RAP1GAP: variants seen among roughly 807,000 people sequenced by gnomAD.
RAP1GAP encodes RAP1 GTPase activating protein, also known as rap1 GTPase-activating protein 1.
A neutral mutation model predicts 87.2 loss-of-function variants in RAP1GAP; 35 were observed. The ratio of observed to expected loss-of-function variants is 0.40; its 90% CI spans 0.31 to 0.53. The LOEUF (loss-of-function observed/expected upper bound fraction) is 0.53, where lower values mean the gene tolerates loss of function less well. Ranked by LOEUF, RAP1GAP falls within the 20% of genes least tolerant of loss-of-function variation. The pLI is 0.48. For synonymous variants in RAP1GAP, 375 were observed against 363.9 expected (o/e 1.03, Z -0.35); for missense variants, 734 against 898.9 (o/e 0.82, Z 2.35).
chr1:21,618,957 G>A, intron 5 of RAP1GAP, 68 bp downstream of exon 5: 1 of 1,466,590 alleles, frequency 6.8e-7, no homozygotes, highest in Non-Finnish European at 9.3e-7. Flanking sequence ...TTGATGGGCA[G>A]TGGTGGCAGC....
At chr1:21,663,452 C>T (rs760906663) in intron 1 of RAP1GAP, among the ~76,000 whole-genome samples, 1 of 152,196 alleles carries the variant, frequency 6.6e-6, no homozygotes, top group Non-Finnish European at 1.5e-5. Context: ...CAGGCCTTGT[C>T]CTGGCAGCCT....
intron 1 of RAP1GAP, chr1:21,651,702 C>A (rs779022545): frequency 1.4e-6 from 2 of 1,404,318 alleles, no homozygotes; most frequent in South Asian, 1.2e-5. Context: ...CGCGAGCACA[C>A]CCCGCACGGG....
chr1:21,626,427 G>GAGCCCCA (rs765329037), intron 2 of RAP1GAP, 30 bp from the exon 3 acceptor site: 2 of 1,573,252 alleles, frequency 1.3e-6, no homozygotes, highest in Non-Finnish European at 1.7e-6. Flanking sequence ...AGGTCAGGGA[G>GAGCCCCA]AGCCCCAAGC....
chr1:21,638,850 G>C (rs888038637), intron 2 of RAP1GAP, among the ~76,000 whole-genome samples: 6 of 152,152 alleles, frequency 3.9e-5, no homozygotes, highest in Admixed American at 3.3e-4. Flanking sequence ...TTATTCCAAG[G>C]GGGAGAAGCT....
Position 21,601,713 on chromosome 1 carries a change from G to C in RAP1GAP, c.1623C>G (p.Ser541Arg). The C allele has an allele frequency of 6.2e-7, 1 of 1,612,092 alleles. No individual in the cohort carries two copies. The highest frequency in any genetic ancestry group is 8.5e-7 in the Non-Finnish European group (1 of 1,178,706). ...EPKSENSSTQ[S>R]SPEMPTTKNR... Reference sequence around the variant, plus strand: ...TCTTGGTCGTGGGCATCTCTGGGGAGCTCTGAGTGGATGAGTTCTCCGACT... The same window carrying C: ...TCTTGGTCGTGGGCATCTCTGGGGACCTCTGAGTGGATGAGTTCTCCGACT... The change falls in exon 20 of 25, where the codon AGC becomes AGG. Residue 541 changes from serine to arginine, a missense_variant. Around this residue, in one of 2 missense-constraint regions of RAP1GAP, gnomAD observed 249 missense variants for 252.7 expected, o/e 0.99. Transcript: ENST00000374765.
In RAP1GAP at chr1:21,606,159, C is replaced by A; in HGVS notation, c.1335G>T (p.Met445Ile). ...IRSRSQSMDA[M>I]GLSNKKPNTV... The stretch of plus-strand genomic sequence containing the variant: ...TGTTGGGCTTCTTGTTGCTCAGCCC[C>A]ATGGCATCCATGGACTGGCTGCGGC... The change falls in exon 18 of 25, where the codon ATG becomes ATT. Residue 445 changes from methionine to isoleucine, a missense_variant. Met to Ile is a conservative substitution (Grantham distance 10). Transcript: ENST00000374765. 6.3e-7 allele frequency: 1 copy of A among 1,584,884 alleles called. No individual in the cohort carries two copies.
intron 1 of RAP1GAP, among the ~76,000 whole-genome samples, chr1:21,663,558 A>G (rs1255545647): frequency 6.6e-6 from 1 of 152,110 alleles, no homozygotes; most frequent in East Asian, 1.9e-4. Flanking sequence ...AGAAGTTCCC[A>G]AGGTCACCCT....
chr1:21,658,962 G>A (rs1452261797), intron 1 of RAP1GAP, among the ~76,000 whole-genome samples: 1 of 138,654 alleles, frequency 7.2e-6, no homozygotes, highest in African/African-American at 2.7e-5. Flanking sequence ...TTTTTGAGAC[G>A]GAGTTTTGCC....
chr1:21,607,215 C>T (rs574007246), intron 17 of RAP1GAP, among the ~76,000 whole-genome samples: 19 of 152,272 alleles, frequency 1.2e-4, no homozygotes, highest in African/African-American at 4.6e-4. Context: ...CTGAGTGAGT[C>T]CAGACCCTGT....
At chr1:21,619,881 A>T (rs2085557916) in intron 4 of RAP1GAP, 134 bp downstream of exon 4, 6 of 932,552 alleles carry the variant, frequency 6.4e-6, no homozygotes, top group Non-Finnish European at 1.0e-5. Flanking sequence ...ACCCTGGACA[A>T]CCAATAGCCA....
At chr1:21,663,321 T>G (rs1410763896) in intron 1 of RAP1GAP, among the ~76,000 whole-genome samples, 1 of 152,188 alleles carries the variant, frequency 6.6e-6, no homozygotes, top group Non-Finnish European at 1.5e-5. Flanking sequence ...TCCCATGGCA[T>G]CCTGAGCCTG....
intron 1 of RAP1GAP, among the ~76,000 whole-genome samples, chr1:21,653,543 A>C (rs1037913636): frequency 1.0e-4 from 13 of 124,156 alleles, no homozygotes; most frequent in South Asian, 2.9e-4. Flanking sequence ...GAAGGGAGGA[A>C]CTTCCTTCCT....
chr1:21,661,025 G>C (rs1280805010), intron 1 of RAP1GAP, among the ~76,000 whole-genome samples: 1 of 152,170 alleles, frequency 6.6e-6, no homozygotes, highest in East Asian at 1.9e-4. Flanking sequence ...ACTGAGGCAG[G>C]TGGATCGCCT....
chr1:21,603,767 T>C lies in RAP1GAP; in HGVS notation c.1429-854A>G. ...GGCAACGTCCCCAATATGGCCTCCGTCCTGAGAGCGAGCAGAGAACAGCGC... is the reference window on the plus strand; with the variant it reads ...GGCAACGTCCCCAATATGGCCTCCGCCCTGAGAGCGAGCAGAGAACAGCGC... On this transcript the variant is annotated intron_variant, in intron 18 of 24. Transcript: ENST00000374765. This position sits in a 1 kb window ranked among gnomAD's most constrained non-coding sequence, Gnocchi z 6.0. 6.6e-7 allele frequency: 1 copy of C among 1,516,326 alleles called. No homozygotes were observed. The highest frequency in any genetic ancestry group is 9.2e-7 in the Non-Finnish European group (1 of 1,092,712). 93.9% of individuals were successfully genotyped at this position (1,516,326 alleles called of 1,614,324 possible).
At chr1:21,614,698 G>T (rs937018365) in intron 7 of RAP1GAP, among the ~76,000 whole-genome samples, 2 of 152,166 alleles carry the variant, frequency 1.3e-5, no homozygotes, top group African/African-American at 4.8e-5. Flanking sequence ...ATCAGGGGTG[G>T]CTGCGGCAGG....
chr1:21,650,388 C>T (rs1221596911), intron 1 of RAP1GAP, among the ~76,000 whole-genome samples: 1 of 152,066 alleles, frequency 6.6e-6, no homozygotes, highest in East Asian at 1.9e-4. Context: ...CAGACTTTGT[C>T]TCCCCCAAAT....
At chr1:21,630,658 T>G (rs760902303) in intron 2 of RAP1GAP, among the ~76,000 whole-genome samples, 2 of 152,092 alleles carry the variant, frequency 1.3e-5, no homozygotes, top group Non-Finnish European at 2.9e-5. Flanking sequence ...GCTCAAGTGA[T>G]CCTTCCCCCT....
chr1:21,613,123 G>A lies in RAP1GAP; in HGVS notation c.528+53C>T, dbSNP rs751194026. On this transcript the variant is annotated intron_variant, in intron 10 of 24. Transcript: ENST00000374765. This position sits in a 1 kb window ranked among gnomAD's most constrained non-coding sequence, Gnocchi z 4.7. Reference sequence around the variant, plus strand: ...ACAGAAGGTGCTTAATAAATGCTCAGTCTTCCAGTTACTCACCCACCCTCA... The same window carrying A: ...ACAGAAGGTGCTTAATAAATGCTCAATCTTCCAGTTACTCACCCACCCTCA... 1.3e-6 allele frequency: 2 copies of A among 1,499,576 alleles called. No homozygotes were observed. The highest frequency in any genetic ancestry group is 1.9e-6 in the Non-Finnish European group (2 of 1,076,032). The allele number at this position is 1,499,576 out of a possible 1,614,324, so 92.9% of individuals were successfully genotyped here.
chr1:21,599,555 G>A lies in RAP1GAP; in HGVS notation c.1715C>T (p.Ala572Val), dbSNP rs1409970028. 1 of 1,609,610 alleles carries A rather than the reference G, an allele frequency of 6.2e-7. No individual in the cohort carries two copies. The highest frequency in any genetic ancestry group is 1.7e-5 in the Admixed American group (1 of 60,022). Residue 572 changes from alanine to valine, a missense_variant, in exon 21 of 25, where the codon GCC becomes GTC. Transcript: ENST00000374765. Reference sequence around the variant, plus strand: ...CTCCACCACGCTGGCGAAGCTGCTGGCACTGGACGAGGAGCGGGAGAAGTC... The same window carrying A: ...CTCCACCACGCTGGCGAAGCTGCTGACACTGGACGAGGAGCGGGAGAAGTC... ...LKDFSRSSSS[A>V]SSFASVVEET... is the part of the protein sequence containing the mutation.
Sources: allele counts gnomAD v4.1 joint callset (sites outside exome capture counted in the v4.1 genomes callset), GRCh38; gene constraint gnomAD v4.1.1; regional missense constraint gnomAD v4.1.1; non-coding constraint Gnocchi (gnomAD v3.1); transcripts MANE v1.5; gene names NCBI Gene and HGNC (gene_info 2026-07-23, HGNC 2026-07-21).